DBT: variants seen among roughly 807,000 people sequenced by gnomAD.
The protein encoded by DBT is lipoamide acyltransferase component of branched-chain alpha-keto acid dehydrogenase complex, mitochondrial.
In DBT, 40 loss-of-function variants were observed where a neutral mutation model predicts 51.3. That is an observed-to-expected ratio of 0.78 (90% CI 0.61 to 1.02). The LOEUF (loss-of-function observed/expected upper bound fraction) is 1.02, where lower values mean the gene tolerates loss of function less well. DBT is among the 50% of genes least tolerant of loss of function. DBT has a pLI of 0.00. For missense variants in DBT, 510 were observed against 580.2 expected (o/e 0.88, Z 1.24); for synonymous variants, 181 against 190.4 (o/e 0.95, Z 0.41).
chr1:100,231,541 T>C (rs1423415497), intron 3 of DBT, among the ~76,000 whole-genome samples: 4 of 152,238 alleles, frequency 2.6e-5, no homozygotes, highest in Admixed American at 6.5e-5. Context: ...TTAATGTCTC[T>C]AGTTCTTATT....
intron 2 of DBT, among the ~76,000 whole-genome samples, chr1:100,238,366 C>T (rs1280425643): frequency 7.6e-6 from 1 of 130,860 alleles, no homozygotes; most frequent in African/African-American, 2.8e-5. Context: ...CCTGTCTCAT[C>T]ACGTCCCTTC....
At chr1:100,207,271 T>G (rs1282091492) in intron 8 of DBT, among the ~76,000 whole-genome samples, 1 of 152,130 alleles carries the variant, frequency 6.6e-6, no homozygotes, top group Non-Finnish European at 1.5e-5. Flanking sequence ...TGAAAACTGA[T>G]TTATCACCCT....
At chr1:100,239,555 A>T (rs1485939690) in intron 2 of DBT, among the ~76,000 whole-genome samples, 2 of 9,186 alleles carry the variant, frequency 2.2e-4, no homozygotes, top group Non-Finnish European at 1.4e-3. Context: ...ACCCTGTCTC[A>T]AAAAAAAAAA....
At position 100,188,844 on chromosome 1, in the gene DBT, C is replaced by A. The variant is rs1194918686; in HGVS notation, c.*7411G>T. On this transcript the variant is annotated 3_prime_UTR_variant, in exon 11 of 11. Transcript: ENST00000370132. Reference sequence around the variant, plus strand: ...CTCTCCTCTGGACTCTCTCCAAATTCTCCTGCTCAGTTTTAGCAAGCTGGC... The same window carrying A: ...CTCTCCTCTGGACTCTCTCCAAATTATCCTGCTCAGTTTTAGCAAGCTGGC... 1 of 152,390 alleles carries A rather than the reference C, an allele frequency of 6.6e-6. No homozygotes were observed. Among genetic ancestry groups the A allele is most frequent in the Non-Finnish European group, 1.5e-5 (1 of 68,190 alleles). The allele number at this position is 152,390 out of a possible 1,614,324, so 9.4% of individuals were successfully genotyped here. A position where few individuals can be genotyped will look rare whatever the true frequency, so the allele number is the denominator to read the frequency against.
intron 10 of DBT, among the ~76,000 whole-genome samples, chr1:100,199,237 G>C (rs976374317): frequency 1.3e-5 from 2 of 152,074 alleles, no homozygotes; most frequent in Non-Finnish European, 2.9e-5. Flanking sequence ...CACTCATTTG[G>C]GTTCCTGTTC....
intron 10 of DBT, among the ~76,000 whole-genome samples, chr1:100,205,847 G>A (rs957910720): frequency 4.6e-5 from 7 of 151,928 alleles, no homozygotes; most frequent in African/African-American, 1.7e-4. Flanking sequence ...AACACTGCAT[G>A]TTCTCACTCA....
chr1:100,239,266 C>T (rs1195295993), intron 2 of DBT, among the ~76,000 whole-genome samples: 1 of 152,110 alleles, frequency 6.6e-6, no homozygotes, highest in Non-Finnish European at 1.5e-5. Context: ...AATTTGTAGA[C>T]CAGGAATCCA....
intron 1 of DBT, among the ~76,000 whole-genome samples, chr1:100,243,511 G>A (rs1228994643): frequency 1.3e-5 from 2 of 151,850 alleles, no homozygotes; most frequent in African/African-American, 4.8e-5. Flanking sequence ...TAGTAGAGAC[G>A]GGGTTTCATT....
At position 100,193,607 on chromosome 1, in the gene DBT, A is replaced by G. The variant is rs1464719073; in HGVS notation, c.*2648T>C. The G allele has an allele frequency of 6.6e-6, 1 of 152,112 alleles. No individual in the cohort carries two copies. 9.4% of individuals were successfully genotyped at this position (152,112 alleles called of 1,614,324 possible). On this transcript the variant is annotated 3_prime_UTR_variant, in exon 11 of 11. Transcript: ENST00000370132. ...TGGAATACTATGCAGACATTTATTT[A>G]TTTATTTATTTATTTAGAGACAGAG... is the stretch of plus-strand genomic sequence containing the variant.
chr1:100,218,863 G>T, intron 4 of DBT, 116 bp from the exon 5 acceptor site: 2 of 704,854 alleles, frequency 2.8e-6, no homozygotes, highest in Admixed American at 2.7e-5. Flanking sequence ...AAAGTTTATA[G>T]TCTAAATGTA....
intron 7 of DBT, chr1:100,213,419 T>A (rs1342066176): frequency 1.4e-5 from 22 of 1,584,732 alleles, no homozygotes. Flanking sequence ...GCCGCCCTAC[T>A]CCTACCTCGT....
chr1:100,196,570 C>G, intron 10 of DBT, 148 bp from the exon 11 acceptor site: 1 of 1,250,354 alleles, frequency 8.0e-7, no homozygotes, highest in Non-Finnish European at 1.1e-6. Context: ...TCCCCAATGA[C>G]TTTTGAAAAT....
Position 100,206,496 on chromosome 1 carries a change from G to A in DBT, c.1158C>T (p.Leu386=), listed in dbSNP as rs139943180. ...RLQKLGSVSQ[L]STTDLTGGTF... ...TTCCTCCTGTAAGATCAGTGGTGCT[G>A]AGCTGACTCACAGAGCCCAATTTCT... The change falls in exon 9 of 11, where the codon CTC becomes CTT. Residue 386 remains leucine (L), a synonymous_variant. Coordinates refer to ENST00000370132, the MANE Select transcript of DBT (RefSeq NM_001918.5). 5 of 1,613,770 alleles carry A rather than the reference G, an allele frequency of 3.1e-6. No individual in the cohort carries two copies. The highest frequency in any genetic ancestry group is 1.7e-5 in the Admixed American group (1 of 59,992).
chr1:100,228,868 A>G (rs1219555250), intron 4 of DBT, among the ~76,000 whole-genome samples: 5 of 152,212 alleles, frequency 3.3e-5, no homozygotes, highest in Non-Finnish European at 7.3e-5. Flanking sequence ...TTAAAAAAAT[A>G]CCTACATGTA....
Position 100,240,908 on chromosome 1 carries a change from A to G in DBT, c.52-24T>C, listed in dbSNP as rs758569198. On this transcript the variant is annotated intron_variant, in intron 1 of 10. Transcript: ENST00000370132. The stretch of plus-strand genomic sequence containing the variant: ...ATCTACAGATGAGAAAACAAAAAGT[A>G]AAAGCATTTATAAACAACCATACCG... 5.6e-6 allele frequency: 9 copies of G among 1,609,894 alleles called. No individual in the cohort carries two copies. In the African/African-American group the frequency reaches 9.4e-5, roughly 17 times the overall value.
chr1:100,221,292 AAAT>A (rs1280778408), intron 4 of DBT, among the ~76,000 whole-genome samples: 3 of 152,238 alleles, frequency 2.0e-5, no homozygotes, highest in Admixed American at 2.0e-4. Flanking sequence ...CCAAGTAATA[AAAT>A]ACCACCTTAC....
At chr1:100,231,328 T>G (rs977220890) in intron 3 of DBT, among the ~76,000 whole-genome samples, 22 of 152,232 alleles carry the variant, frequency 1.4e-4, no homozygotes, top group African/African-American at 5.1e-4. Context: ...ACATATCCTT[T>G]GTAATTTCAT....
At chr1:100,210,660 AAT>A in intron 8 of DBT, 32 bp downstream of exon 8, 1 of 1,612,326 alleles carries the variant, frequency 6.2e-7, no homozygotes, top group South Asian at 1.1e-5. Context: ...ATCTTCTATT[AAT>A]AATAAGAACA....
rs755914063 is a variant in DBT at position 100,240,885 on chromosome 1, C to G, written c.52-1G>C. On this transcript the variant is annotated splice_acceptor_variant, in intron 1 of 10. Transcript: ENST00000370132. LOFTEE classifies it high-confidence loss of function. ...ATGTTTGAAAATAGCGAACACAAAT[C>G]TACAGATGAGAAAACAAAAAGTAAA... is the stretch of plus-strand genomic sequence containing the variant. 6.2e-7 allele frequency: 1 copy of G among 1,613,198 alleles called. No individual in the cohort carries two copies. The highest frequency in any genetic ancestry group is 1.1e-5 in the South Asian group (1 of 90,954).
Sources: gnomAD v4.1 joint callset for allele counts (sites outside exome capture counted in the v4.1 genomes callset) on GRCh38, gnomAD v4.1.1 for gene constraint, MANE v1.5 for transcripts, NCBI Gene and HGNC (gene_info 2026-07-23, HGNC 2026-07-21) for gene names.